Variants in LRRC57 observed in about 807,000 individuals in gnomAD.
The protein encoded by LRRC57 is leucine rich repeat containing 57, also known as leucine-rich repeat-containing protein 57.
Under a neutral mutation model 23.1 loss-of-function variants are expected in LRRC57, and 14 were observed. That is an observed-to-expected ratio of 0.61 (90% CI 0.40 to 0.95). LRRC57 has a LOEUF of 0.95. Among genes scored for constraint, LRRC57 ranks in the 40% least tolerant of loss-of-function variants. The pLI, the probability that LRRC57 is intolerant of heterozygous loss-of-function variation, is 0.00. For synonymous variants in LRRC57, 106 were observed against 115.2 expected, an observed-to-expected ratio of 0.92 and a Z score of 0.51; for missense variants, 236 against 284.4, an observed-to-expected ratio of 0.83 and a Z score of 1.22.
chr15:42,529,528 G>T, the LRRC57 span: 1 of 738,862 alleles, frequency 1.4e-6, no homozygotes, highest in Non-Finnish European at 2.2e-6. Flanking sequence ...TTTTATTATA[G>T]AATGTTTCCC....
chr15:42,542,058 CTT>C lies in LRRC57; in HGVS notation c.*2023_*2024del, dbSNP rs368849694. 19 of 124,588 alleles carry C rather than the reference CTT, an allele frequency of 1.5e-4. No individual in the cohort carries two copies. The highest frequency in any genetic ancestry group is 4.2e-4 in the Admixed American group (5 of 11,768). The allele number at this position is 124,588 out of a possible 1,614,324, so 7.7% of individuals were successfully genotyped here. On this transcript the variant is annotated 3_prime_UTR_variant, in exon 6 of 6. Transcript: ENST00000397130. ...ACAGGCGTGAGCCACCGCGCCCGGC[CTT>C]TTTTTTTTTTTTTGAGACGCAGTCT... is the stretch of plus-strand genomic sequence containing the variant.
the LRRC57 span, among the ~76,000 whole-genome samples, chr15:42,530,722 C>T: frequency 2.0e-5 from 3 of 152,156 alleles, no homozygotes; most frequent in South Asian, 6.2e-4. Flanking sequence ...TGCATTCCAG[C>T]CTGGGCAACA....
intron 5 of LRRC57, among the ~76,000 whole-genome samples, chr15:42,544,842 C>CATATATATATA: frequency 1.0e-5 from 1 of 98,038 alleles, no homozygotes; most frequent in African/African-American, 6.7e-5. Flanking sequence ...CACACACACA[C>CATATATATATA]TATATATATA....
In LRRC57 at chr15:42,544,100, T is replaced by C. The variant is rs2057644602; in HGVS notation, c.703A>G (p.Lys235Glu). The C allele has an allele frequency of 5.0e-6, 8 of 1,613,410 alleles. No individual in the cohort carries two copies. The highest frequency in any genetic ancestry group is 6.8e-6 in the Non-Finnish European group (8 of 1,179,536). Residue 235 changes from lysine to glutamate, a missense_variant, in exon 6 of 6, where the codon AAG becomes GAG. Lys to Glu is a moderately conservative substitution (Grantham distance 56). Transcript: ENST00000397130. Reference sequence around the variant, plus strand: ...GGAGAACTTCACGCAAACTTCTTCTTGGTGGCTGTGAACCTCTCCATGTAC... The same window carrying C: ...GGAGAACTTCACGCAAACTTCTTCTCGGTGGCTGTGAACCTCTCCATGTAC... Reference protein sequence around the residue: ...DKYMERFTATKKKFA With the variant: ...DKYMERFTATEKKFA
chr15:42,544,026 A>T lies in LRRC57; in HGVS notation c.*57T>A, dbSNP rs1280489728. ...CAACAGGAGGCTTTGACTCAGCCAC[A>T]TTCCAACAGAGGTTCTAAGTCAGTA... On this transcript the variant is annotated 3_prime_UTR_variant, in exon 6 of 6. Transcript: ENST00000397130. 7.4e-6 allele frequency: 11 copies of T among 1,487,250 alleles called. No homozygotes were observed. The highest frequency in any genetic ancestry group is 5.4e-5 in the Admixed American group (3 of 55,988). 92.1% of individuals were successfully genotyped at this position (1,487,250 alleles called of 1,614,324 possible). A position where few individuals can be genotyped will look rare whatever the true frequency, so the allele number is the denominator to read the frequency against.
chr15:42,529,881 A>C, the LRRC57 span: 2 of 1,558,468 alleles, frequency 1.3e-6, no homozygotes, highest in East Asian at 2.2e-5. Flanking sequence ...AGTAATAGAC[A>C]TCTGTGCTAG....
chr15:42,544,686 C>T (rs552920854), intron 5 of LRRC57, among the ~76,000 whole-genome samples: 48 of 151,440 alleles, frequency 3.2e-4, no homozygotes, highest in African/African-American at 1.0e-3. Context: ...TACTGGCACA[C>T]GACTGTGATC....
chr15:42,535,331 G>A (rs953999095), downstream of LRRC57, among the ~76,000 whole-genome samples: 3 of 152,182 alleles, frequency 2.0e-5, no homozygotes, highest in African/African-American at 4.8e-5. Context: ...GCATTGAAGG[G>A]AGTTAGGGCC....
downstream of LRRC57, among the ~76,000 whole-genome samples, chr15:42,533,317 A>G (rs2057582736): frequency 6.6e-6 from 1 of 152,224 alleles, no homozygotes; most frequent in South Asian, 2.1e-4. Context: ...TAAATACACT[A>G]GTGACTGGAA....
the LRRC57 span, among the ~76,000 whole-genome samples, chr15:42,530,501 T>G: frequency 6.6e-6 from 1 of 152,210 alleles, no homozygotes; most frequent in Non-Finnish European, 1.5e-5. Context: ...AGCTCACACC[T>G]GTAATCTCAA....
At chr15:42,529,754 A>C in the LRRC57 span, 2 of 1,614,158 alleles carry the variant, frequency 1.2e-6, no homozygotes, top group Non-Finnish European at 1.7e-6. Context: ...TCTAAAAGAC[A>C]TGGCCCTGAA....
At chr15:42,533,599 T>C (rs1390643312), downstream of LRRC57, among the ~76,000 whole-genome samples, 1 of 152,162 alleles carries the variant, frequency 6.6e-6, no homozygotes, top group African/African-American at 2.4e-5. Context: ...ATAAAGGAAA[T>C]AGTTCTGAGA....
chr15:42,548,353 C>A lies in LRRC57; in HGVS notation c.82G>T (p.Glu28Ter), dbSNP rs755579145. 6.2e-7 allele frequency: 1 copy of A among 1,614,238 alleles called. No individual in the cohort carries two copies. Among genetic ancestry groups the A allele is most frequent in the Non-Finnish European group, 8.5e-7 (1 of 1,180,032 alleles). Residue 28 changes from glutamate (E) to a stop codon, truncating the protein, a stop_gained and splice_region_variant, in exon 2 of 6, where the codon GAG (glutamate) becomes TAG (stop). Coordinates refer to ENST00000397130, the MANE Select transcript of LRRC57 (RefSeq NM_153260.3). LOFTEE classifies it high-confidence loss of function. ...GGTCGTGTCCCTCCCAGTCTCACCT[C>A]GGTCAGCCCTCGGTCCTTAAGCTGA... ...VFQLKDRGLT[E>*]FPADLQKLTS... is the part of the protein sequence containing the mutation.
At chr15:42,547,186 C>T in intron 4 of LRRC57, 75 bp downstream of exon 4, 2 of 1,484,474 alleles carry the variant, frequency 1.3e-6, no homozygotes, top group Non-Finnish European at 1.8e-6. Flanking sequence ...GTTTAGGAAA[C>T]AAGAGGTTAA....
rs753320672 is a variant in LRRC57 at position 42,544,115 on chromosome 15, T to G, written c.688A>C (p.Arg230=). The change falls in exon 6 of 6, where the codon AGG becomes CGG. Residue 230 remains arginine (R), a synonymous_variant. Coordinates refer to ENST00000397130, the MANE Select transcript of LRRC57 (RefSeq NM_153260.3). ...AACTTCTTCTTGGTGGCTGTGAACC[T>G]CTCCATGTACTAAAAAACATGAAAG... ...ELEGYDKYME[R]FTATKKKFA 13 of 1,612,252 alleles carry G rather than the reference T, an allele frequency of 8.1e-6. No individual in the cohort carries two copies. The highest frequency in any genetic ancestry group is 1.6e-4 in the Middle Eastern group (1 of 6,068).
intron 5 of LRRC57, among the ~76,000 whole-genome samples, chr15:42,544,590 C>T (rs188803148): frequency 1.8e-4 from 28 of 151,746 alleles, no homozygotes; most frequent in African/African-American, 6.8e-4. Flanking sequence ...TGGGAGGCTG[C>T]GGCGGGCAGA....
chr15:42,529,577 C>T, the LRRC57 span: 1 of 1,242,440 alleles, frequency 8.0e-7, no homozygotes, highest in Middle Eastern at 1.9e-4. Flanking sequence ...CTTATACTTG[C>T]TGAGAGTCAT....
Position 42,544,139 on chromosome 15 carries a change from A to G in LRRC57, c.679-15T>C. The G allele has an allele frequency of 3.1e-6, 5 of 1,604,988 alleles. No individual in the cohort carries two copies. The highest frequency in any genetic ancestry group is 4.3e-6 in the Non-Finnish European group (5 of 1,174,142). ...CTCTCCATGTACTAAAAAACATGAA[A>G]GAATACATAAGGGGTATTTTGGCAT... On this transcript the variant is annotated splice_polypyrimidine_tract_variant and intron_variant, in intron 5 of 5. Transcript: ENST00000397130.
In LRRC57 at chr15:42,541,068, A is replaced by C. The variant is rs1336960163; in HGVS notation, c.*3015T>G. ...AAAAATGTATAAGTTCTGATTTATT[A>C]GATGAGAAGTACTGATAAAACACAG... is the stretch of plus-strand genomic sequence containing the variant. On this transcript the variant is annotated 3_prime_UTR_variant, in exon 6 of 6. Transcript: ENST00000397130. 1.3e-5 allele frequency: 2 copies of C among 152,200 alleles called. No individual in the cohort carries two copies. The highest frequency in any genetic ancestry group is 4.8e-5 in the African/African-American group (2 of 41,450). 9.4% of individuals were successfully genotyped at this position (152,200 alleles called of 1,614,324 possible). A position where few individuals can be genotyped will look rare whatever the true frequency, so the allele number is the denominator to read the frequency against.
Sources: allele counts gnomAD v4.1 joint callset (sites outside exome capture counted in the v4.1 genomes callset), GRCh38; gene constraint gnomAD v4.1.1; transcripts MANE v1.5; gene names NCBI Gene and HGNC (gene_info 2026-07-23, HGNC 2026-07-21).